The following AKT3 variants were observed in gnomAD, a reference collection of about 807,000 sequenced individuals.
The protein encoded by AKT3 is AKT serine/threonine kinase 3.
A neutral mutation model predicts 65.3 loss-of-function variants in AKT3; 15 were observed. The observed-to-expected ratio is 0.23, with a 90% CI of 0.15 to 0.35. AKT3 has a LOEUF of 0.35. Among genes scored for constraint, AKT3 ranks in the 10% least tolerant of loss-of-function variants. The pLI is 1.00. For missense variants in AKT3, 243 were observed against 576.5 expected (o/e 0.42, Z 5.92); for synonymous variants, 206 against 183.8 (o/e 1.12, Z -0.98).
chr1:243,708,761 G>A (rs1331836596), intron 2 of AKT3, among the ~76,000 whole-genome samples: 1 of 151,960 alleles, frequency 6.6e-6, no homozygotes, highest in Non-Finnish European at 1.5e-5. Context: ...AAAACTGCAG[G>A]ACATCTAAAT....
In AKT3 at chr1:243,615,084, C is replaced by G. The variant is rs1284882316; in HGVS notation, c.627+12G>C. ...ATGTTACGATTATAACATCTGTCCT[C>G]TAGTCACTTACTGTTAAAAAGGGAT... On this transcript the variant is annotated intron_variant, in intron 7 of 13. Coordinates refer to ENST00000673466, the MANE Select transcript of AKT3 (RefSeq NM_005465.7). 6.4e-7 allele frequency: 1 copy of G among 1,562,880 alleles called. No individual in the cohort carries two copies. The highest frequency in any genetic ancestry group is 2.2e-5 in the East Asian group (1 of 44,450).
intron 2 of AKT3, among the ~76,000 whole-genome samples, chr1:243,797,664 G>C (rs929810341): frequency 1.3e-5 from 2 of 152,042 alleles, no homozygotes; most frequent in Non-Finnish European, 2.9e-5. Flanking sequence ...CTTTTGATTG[G>C]AGGGTTAAAC....
chr1:243,700,760 C>G (rs1685398295), intron 2 of AKT3, among the ~76,000 whole-genome samples: 1 of 152,124 alleles, frequency 6.6e-6, no homozygotes, highest in Admixed American at 6.5e-5. Flanking sequence ...CCTTGGCATC[C>G]CAAAGTGGTG....
At chr1:243,768,886 T>C (rs886177925) in intron 2 of AKT3, among the ~76,000 whole-genome samples, 1 of 151,708 alleles carries the variant, frequency 6.6e-6, no homozygotes. Flanking sequence ...ATCGCCATTT[T>C]AAAGTATACA....
intron 2 of AKT3, among the ~76,000 whole-genome samples, chr1:243,736,646 T>C (rs1687857515): frequency 6.6e-6 from 1 of 152,098 alleles, no homozygotes; most frequent in Non-Finnish European, 1.5e-5. Context: ...TACAGCAATC[T>C]TAAAGAAATT....
rs117169279 is a variant in AKT3 at position 243,623,173 on chromosome 1, T to A, written c.562-8012A>T. ...TGCAAACAACAGGATGCATGATTAA[T>A]ACTTCGTGCCTGATTTTGCTCTGAG... On this transcript the variant is annotated intron_variant, in intron 6 of 13. Coordinates refer to ENST00000673466, the MANE Select transcript of AKT3 (RefSeq NM_005465.7). Among the ~76,000 whole-genome samples the A allele has an allele frequency of 1.7e-4, 26 of 152,324 alleles. 1 individual carries two copies. In the East Asian group the frequency reaches 4.4e-3, roughly 26 times the overall value.
chr1:243,624,252 A>T (rs1678985189), intron 6 of AKT3, among the ~76,000 whole-genome samples: 2 of 152,248 alleles, frequency 1.3e-5, no homozygotes, highest in Admixed American at 6.5e-5. Context: ...TACATATAGA[A>T]GTTGTCAATG....
rs759776949 is a variant in AKT3, at chr1:243,695,730, G to C, written c.47-14C>G. On this transcript the variant is annotated splice_polypyrimidine_tract_variant and intron_variant, in intron 2 of 13. Transcript: ENST00000673466. ...TTATATATTCTCCTACATGAGGAAA[G>C]CACGCATGTTAATGCTGAAAAAAAT... 6.4e-7 allele frequency: 1 copy of C among 1,574,154 alleles called. No individual in the cohort carries two copies. The highest frequency in any genetic ancestry group is 1.2e-5 in the South Asian group (1 of 83,746).
intron 13 of AKT3, among the ~76,000 whole-genome samples, chr1:243,494,625 T>G (rs1389902791): frequency 6.6e-6 from 1 of 152,228 alleles, no homozygotes; most frequent in African/African-American, 2.4e-5. Flanking sequence ...TTAGCCAGAC[T>G]TGCTCTTCCG....
intron 2 of AKT3, chr1:243,793,429 G>C (rs1221406912): frequency 2.0e-5 from 3 of 152,076 alleles, no homozygotes; most frequent in African/African-American, 4.8e-5. Context: ...ACATGCTGCA[G>C]GCTCTAGAAA....
chr1:243,586,376 C>T (rs1011520339), intron 8 of AKT3, among the ~76,000 whole-genome samples: 1 of 152,144 alleles, frequency 6.6e-6, no homozygotes, highest in Non-Finnish European at 1.5e-5. Context: ...CCATTTGACC[C>T]AGCAATCACA....
Position 243,545,494 on chromosome 1 carries a change from C to A in AKT3, c.1251+16G>T. 1 of 1,517,316 alleles carries A rather than the reference C, an allele frequency of 6.6e-7. No individual in the cohort carries two copies. The highest frequency in any genetic ancestry group is 1.1e-5 in the South Asian group (1 of 88,018). 94.0% of individuals were successfully genotyped at this position (1,517,316 alleles called of 1,614,324 possible). ...CAGCCAAAATATATACACACTATGC[C>A]ATAAAGAAATCTTACCTTTTTATCA... On this transcript the variant is annotated intron_variant, in intron 12 of 13. Coordinates refer to ENST00000673466, the MANE Select transcript of AKT3 (RefSeq NM_005465.7).
intron 6 of AKT3, among the ~76,000 whole-genome samples, chr1:243,632,132 G>A (rs1046778237): frequency 6.6e-6 from 1 of 152,086 alleles, no homozygotes; most frequent in African/African-American, 2.4e-5. Context: ...TTCCCAAAAG[G>A]TTTTCAATTA....
chr1:243,801,483 G>A (rs921337148), intron 2 of AKT3, among the ~76,000 whole-genome samples: 8 of 151,992 alleles, frequency 5.3e-5, no homozygotes, highest in Non-Finnish European at 8.8e-5. Flanking sequence ...ATCTTTTCAG[G>A]GTTATTATTT....
At chr1:243,567,459 C>T (rs183736025) in intron 9 of AKT3, among the ~76,000 whole-genome samples, 16 of 151,162 alleles carry the variant, frequency 1.1e-4, no homozygotes, top group Middle Eastern at 3.4e-3. Context: ...ACCACTACCA[C>T]GCCCTGCTAG....
intron 1 of AKT3, among the ~76,000 whole-genome samples, chr1:243,849,795 A>C (rs1361138366): frequency 6.6e-6 from 1 of 151,674 alleles, no homozygotes; most frequent in Non-Finnish European, 1.5e-5. Flanking sequence ...TTCCCCGGAA[A>C]GCGGGGGGTG....
chr1:243,802,203 T>G (rs1692421427), intron 2 of AKT3, among the ~76,000 whole-genome samples: 2 of 152,178 alleles, frequency 1.3e-5, no homozygotes, highest in Non-Finnish European at 2.9e-5. Flanking sequence ...TAATTTCTCT[T>G]TCCTCAGGTA....
chr1:243,587,147 A>G (rs1280815546), intron 8 of AKT3, among the ~76,000 whole-genome samples: 1 of 152,202 alleles, frequency 6.6e-6, no homozygotes, highest in East Asian at 1.9e-4. Context: ...AAAAAGGGCA[A>G]TTTTAAATTT....
intron 2 of AKT3, among the ~76,000 whole-genome samples, chr1:243,733,390 G>A (rs1687669854): frequency 6.6e-6 from 1 of 152,068 alleles, no homozygotes; most frequent in Admixed American, 6.5e-5. Context: ...ATCAATTAAA[G>A]AATAAATAAA....
Sources: gnomAD v4.1 joint callset for allele counts (sites outside exome capture counted in the v4.1 genomes callset) on GRCh38, gnomAD v4.1.1 for gene constraint, MANE v1.5 for transcripts, NCBI Gene and HGNC (gene_info 2026-07-23, HGNC 2026-07-21) for gene names.